Variants in SORCS3 observed in about 807,000 individuals in gnomAD.
SORCS3 encodes the protein VPS10 domain-containing receptor SorCS3.
Under a neutral mutation model 146.3 loss-of-function variants are expected in SORCS3, and 57 were observed. That is an observed-to-expected ratio of 0.39 (90% CI 0.31 to 0.49). The LOEUF (loss-of-function observed/expected upper bound fraction) is 0.49. Among genes scored for constraint, SORCS3 ranks in the 20% least tolerant of loss-of-function variants. The probability of loss-of-function intolerance (pLI) is 0.92; values close to 1 mark genes in which losing one functional copy is unlikely to be tolerated. For missense variants in SORCS3, 1,341 were observed against 1,575.5 expected, an observed-to-expected ratio of 0.85 and a Z score of 2.52; for synonymous variants, 653 against 618.5, an observed-to-expected ratio of 1.06 and a Z score of -0.83.
At chr10:104,876,934 C>T (rs113984733) in intron 2 of SORCS3, among the ~76,000 whole-genome samples, 1 of 152,062 alleles carries the variant, frequency 6.6e-6, no homozygotes, top group African/African-American at 2.4e-5. Flanking sequence ...CAGCTCACTG[C>T]AGCCTCAGCC....
chr10:104,905,455 A>G (rs763818295), intron 2 of SORCS3, among the ~76,000 whole-genome samples: 9 of 152,182 alleles, frequency 5.9e-5, no homozygotes, highest in Non-Finnish European at 1.2e-4. Flanking sequence ...CTGCTTTGCT[A>G]TTAGTTTCTC....
At chr10:105,049,618 T>C (rs1045962644) in intron 5 of SORCS3, among the ~76,000 whole-genome samples, 1 of 152,262 alleles carries the variant, frequency 6.6e-6, no homozygotes. Context: ...AAGAAGTTTA[T>C]CATATCAAAA....
In SORCS3 at chr10:105,119,154, C is replaced by T. The variant is rs554571779; in HGVS notation, c.1212+13639C>T. Among the ~76,000 whole-genome samples, 168 of 152,320 alleles carry T rather than the reference C, an allele frequency of 1.1e-3. 3 individuals are homozygous for T. The highest frequency in any genetic ancestry group is 9.5e-3 in the Admixed American group (145 of 15,298). On this transcript the variant is annotated intron_variant, in intron 7 of 26. Coordinates refer to ENST00000369701, the MANE Select transcript of SORCS3 (RefSeq NM_014978.3). ...TACCCCGCATCCCAGCCTCTCCAGC[C>T]ATGGCTGAAAGGGACCAATGTACAG...
chr10:104,894,352 A>C (rs915363862), intron 2 of SORCS3, among the ~76,000 whole-genome samples: 2 of 152,244 alleles, frequency 1.3e-5, no homozygotes, highest in Non-Finnish European at 2.9e-5. Flanking sequence ...GATTGGAATG[A>C]GCAGTGGTGG....
At chr10:104,829,922 A>T (rs944887841) in intron 1 of SORCS3, among the ~76,000 whole-genome samples, 2 of 152,108 alleles carry the variant, frequency 1.3e-5, no homozygotes, top group Non-Finnish European at 2.9e-5. Context: ...TCTGGGTTAC[A>T]TGTGCAGAAC....
intron 5 of SORCS3, among the ~76,000 whole-genome samples, chr10:105,050,783 T>G (rs780212836): frequency 1.4e-4 from 21 of 152,132 alleles, no homozygotes; most frequent in Non-Finnish European, 3.1e-4. Context: ...TCCTTATTCT[T>G]TGCTTGTTTA....
intron 3 of SORCS3, among the ~76,000 whole-genome samples, chr10:104,925,152 T>C (rs2019128848): frequency 6.6e-6 from 1 of 152,208 alleles, no homozygotes; most frequent in Non-Finnish European, 1.5e-5. Flanking sequence ...AGTGAGAACA[T>C]GCGATGTTTG....
intron 1 of SORCS3, among the ~76,000 whole-genome samples, chr10:104,785,776 A>G (rs1284956472): frequency 1.3e-5 from 2 of 152,024 alleles, no homozygotes; most frequent in Non-Finnish European, 2.9e-5. Context: ...GGATTGTTCT[A>G]GTTCTCGGGT....
chr10:104,791,580 C>G (rs2017496068), intron 1 of SORCS3, among the ~76,000 whole-genome samples: 1 of 152,148 alleles, frequency 6.6e-6, no homozygotes, highest in African/African-American at 2.4e-5. Context: ...TGTGAACATT[C>G]TTTCTGATTA....
At chr10:104,794,624 A>AGGGAGGGAGG (rs765408390) in intron 1 of SORCS3, among the ~76,000 whole-genome samples, 1 of 47,646 alleles carries the variant, frequency 2.1e-5, no homozygotes, top group African/African-American at 1.2e-4. Flanking sequence ...AGAGGGAGGG[A>AGGGAGGGAGG]GAGAGAGAGA....
chr10:105,034,095 C>G (rs2055288983), intron 4 of SORCS3, among the ~76,000 whole-genome samples: 1 of 152,074 alleles, frequency 6.6e-6, no homozygotes. Flanking sequence ...TGAAATTATA[C>G]AAATACATGT....
chr10:105,181,010 C>A (rs1237476665), intron 14 of SORCS3, among the ~76,000 whole-genome samples: 1 of 152,150 alleles, frequency 6.6e-6, no homozygotes, highest in East Asian at 1.9e-4. Context: ...TTAAGACAGA[C>A]ATGTGGATGC....
At chr10:105,121,911 A>G (rs1196260121) in intron 7 of SORCS3, among the ~76,000 whole-genome samples, 4 of 152,094 alleles carry the variant, frequency 2.6e-5, no homozygotes, top group Admixed American at 6.6e-5. Context: ...ACGTCTTGCC[A>G]TGCATTATGC....
At chr10:104,835,117 C>T (rs1343470799) in intron 1 of SORCS3, among the ~76,000 whole-genome samples, 1 of 152,080 alleles carries the variant, frequency 6.6e-6, no homozygotes, top group African/African-American at 2.4e-5. Flanking sequence ...TCTGGACACC[C>T]AGTTGGTGTC....
At chr10:104,883,803 G>A (rs1015711621) in intron 2 of SORCS3, among the ~76,000 whole-genome samples, 4 of 152,246 alleles carry the variant, frequency 2.6e-5, no homozygotes, top group African/African-American at 9.6e-5. Context: ...AGGCTGGGAG[G>A]TAGGTTTGTC....
Position 104,647,780 on chromosome 10 carries a change from A to G in SORCS3, c.627+5826A>G, listed in dbSNP as rs554448182. On this transcript the variant is annotated intron_variant, in intron 1 of 26. Coordinates refer to ENST00000369701, the MANE Select transcript of SORCS3 (RefSeq NM_014978.3). ...GTTTAGACAACTGGTGTATTATTTC[A>G]TGTATGAATGTTAACATAAGATTCA... Among the ~76,000 whole-genome samples the G allele has an allele frequency of 3.3e-5, 5 of 152,334 alleles. No individual in the cohort carries two copies. In the South Asian group the frequency reaches 8.3e-4, roughly 25 times the overall value.
At chr10:105,154,640 G>C (rs1051819467) in intron 9 of SORCS3, among the ~76,000 whole-genome samples, 6 of 152,326 alleles carry the variant, frequency 3.9e-5, no homozygotes, top group African/African-American at 1.4e-4. Flanking sequence ...ATGCTTTGTA[G>C]CTCCTTGGAT....
intron 1 of SORCS3, among the ~76,000 whole-genome samples, chr10:104,705,417 A>G (rs568892882): frequency 1.3e-5 from 2 of 151,818 alleles, no homozygotes; most frequent in African/African-American, 4.8e-5. Context: ...TACTTTTCCC[A>G]CTCACACCGA....
intron 22 of SORCS3, 76 bp from the exon 23 acceptor site, chr10:105,252,699 G>C: frequency 7.0e-6 from 11 of 1,582,510 alleles, no homozygotes; most frequent in African/African-American, 1.4e-5. Flanking sequence ...ATCTGGCTGT[G>C]CACACTCTGC....
Sources: gnomAD v4.1 joint callset for allele counts (sites outside exome capture counted in the v4.1 genomes callset) on GRCh38, gnomAD v4.1.1 for gene constraint, MANE v1.5 for transcripts, NCBI Gene and HGNC (gene_info 2026-07-23, HGNC 2026-07-21) for gene names.